Variants in ITGB3BP observed in about 807,000 individuals in gnomAD.
The protein encoded by ITGB3BP is centromere protein R.
Under a neutral mutation model 29.1 loss-of-function variants are expected in ITGB3BP, and 27 were observed. The observed-to-expected ratio is 0.93, with a 90% CI of 0.68 to 1.28. The LOEUF (loss-of-function observed/expected upper bound fraction) is 1.28. ITGB3BP is among the 50% of genes most tolerant of loss of function. The pLI is 0.00. For synonymous variants in ITGB3BP, 61 were observed against 61.4 expected, an observed-to-expected ratio of 0.99 and a Z score of 0.03; for missense variants, 192 against 200.2, an observed-to-expected ratio of 0.96 and a Z score of 0.25.
intron 2 of ITGB3BP, among the ~76,000 whole-genome samples, chr1:63,494,764 TTAA>T (rs1429011525): frequency 1.3e-5 from 2 of 152,186 alleles, no homozygotes; most frequent in Non-Finnish European, 2.9e-5. Flanking sequence ...GATATTAATT[TTAA>T]TAATAAAAGT....
intron 4 of ITGB3BP, among the ~76,000 whole-genome samples, chr1:63,477,616 A>T (rs141621775): frequency 2.6e-5 from 4 of 151,942 alleles, no homozygotes; most frequent in African/African-American, 9.7e-5. Context: ...GCTACACAGG[A>T]GGCTGAGGTG....
chr1:63,480,562 T>C (rs1012704459), intron 3 of ITGB3BP, among the ~76,000 whole-genome samples: 2 of 152,066 alleles, frequency 1.3e-5, no homozygotes, highest in Non-Finnish European at 2.9e-5. Context: ...CTCAATTTCA[T>C]TGAGTCCACT....
At chr1:63,468,003 C>T (rs772802957) in intron 4 of ITGB3BP, among the ~76,000 whole-genome samples, 1 of 152,158 alleles carries the variant, frequency 6.6e-6, no homozygotes, top group Non-Finnish European at 1.5e-5. Flanking sequence ...TTGAGCAAGG[C>T]TTAAGGAGCA....
intron 1 of ITGB3BP, among the ~76,000 whole-genome samples, chr1:63,518,697 T>A (rs1324117965): frequency 6.6e-6 from 1 of 152,130 alleles, no homozygotes; most frequent in Non-Finnish European, 1.5e-5. Flanking sequence ...TTCACTGATG[T>A]CTTTACTGCA....
intron 4 of ITGB3BP, chr1:63,458,356 T>A (rs1644965095): frequency 1.3e-5 from 2 of 152,120 alleles, no homozygotes. Flanking sequence ...GTTCCTCAGA[T>A]GTATTCTGAG....
intron 1 of ITGB3BP, among the ~76,000 whole-genome samples, chr1:63,520,743 C>T (rs996202861): frequency 1.6e-4 from 24 of 152,110 alleles, no homozygotes; most frequent in African/African-American, 5.6e-4. Flanking sequence ...ACCAATATGA[C>T]TGGGTATACA....
intron 2 of ITGB3BP, among the ~76,000 whole-genome samples, chr1:63,497,587 G>A (rs1342976575): frequency 6.6e-6 from 1 of 152,188 alleles, no homozygotes; most frequent in Non-Finnish European, 1.5e-5. Context: ...GAAGATAAAT[G>A]TATCTAAGTC....
At chr1:63,482,181 G>A (rs1309501498) in intron 3 of ITGB3BP, among the ~76,000 whole-genome samples, 1 of 139,694 alleles carries the variant, frequency 7.2e-6, no homozygotes, top group African/African-American at 2.6e-5. Flanking sequence ...GCTGAGACAG[G>A]AGAATCACTT....
At chr1:63,486,409 C>A (rs1225226386) in intron 3 of ITGB3BP, among the ~76,000 whole-genome samples, 2 of 151,940 alleles carry the variant, frequency 1.3e-5, no homozygotes, top group Non-Finnish European at 2.9e-5. Flanking sequence ...ACTTAACTAC[C>A]AATAGCCTAC....
intron 3 of ITGB3BP, among the ~76,000 whole-genome samples, chr1:63,487,691 C>T (rs536478199): frequency 1.3e-5 from 2 of 152,098 alleles, no homozygotes; most frequent in South Asian, 2.1e-4. Context: ...CAGTAAAATA[C>T]GGTATTATAA....
intron 7 of ITGB3BP, chr1:63,449,436 T>C (rs1368980247): frequency 2.0e-5 from 3 of 152,164 alleles, no homozygotes; most frequent in Non-Finnish European, 4.4e-5. Flanking sequence ...ATTTAAATCA[T>C]GAAAGAAATT....
chr1:63,487,663 TCTAAACATAA>T (rs1275922949), intron 3 of ITGB3BP, among the ~76,000 whole-genome samples: 1 of 152,106 alleles, frequency 6.6e-6, no homozygotes, highest in Non-Finnish European at 1.5e-5. Context: ...TCTAAACATA[TCTAAACATAA>T]AAAAGCACAG....
chr1:63,460,337 C>A (rs1450970016), intron 4 of ITGB3BP, among the ~76,000 whole-genome samples: 1 of 152,180 alleles, frequency 6.6e-6, no homozygotes, highest in Admixed American at 6.5e-5. Flanking sequence ...AACCTTTAAT[C>A]TCCTTTCTAT....
At chr1:63,476,135 A>G (rs1645336148) in intron 4 of ITGB3BP, among the ~76,000 whole-genome samples, 4 of 151,766 alleles carry the variant, frequency 2.6e-5, no homozygotes, top group South Asian at 2.1e-4. Context: ...CTTGGTCTCA[A>G]GCAATCTTCT....
At chr1:63,515,825 TAAAAAAAAAAAAAAA>T (rs76881362) in intron 1 of ITGB3BP, among the ~76,000 whole-genome samples, 1 of 48,594 alleles carries the variant, frequency 2.1e-5, no homozygotes, top group Non-Finnish European at 3.5e-5. Context: ...GACTCCAACT[TAAAAAAAAAAAAAAA>T]AAAAAAAAAA....
At chr1:63,443,416 A>AG (rs1644753165) in intron 8 of ITGB3BP, among the ~76,000 whole-genome samples, 1 of 152,194 alleles carries the variant, frequency 6.6e-6, no homozygotes, top group Non-Finnish European at 1.5e-5. Context: ...GACAAGACCC[A>AG]AGGTAAGGAC....
At chr1:63,448,594 G>A (rs1390768787) in intron 7 of ITGB3BP, among the ~76,000 whole-genome samples, 1 of 151,968 alleles carries the variant, frequency 6.6e-6, no homozygotes, top group Non-Finnish European at 1.5e-5. Context: ...AAACCACTTA[G>A]ATAATTTATC....
chr1:63,446,359 ATAAC>A (rs1471331896), intron 8 of ITGB3BP, among the ~76,000 whole-genome samples: 1 of 152,232 alleles, frequency 6.6e-6, no homozygotes, highest in African/African-American at 2.4e-5. Flanking sequence ...AAGGCAAGGT[ATAAC>A]TAATAAATAT....
At chr1:63,521,044 CATT>C (rs1334022497) in intron 1 of ITGB3BP, among the ~76,000 whole-genome samples, 1 of 152,076 alleles carries the variant, frequency 6.6e-6, no homozygotes, top group Non-Finnish European at 1.5e-5. Flanking sequence ...CACAACTACT[CATT>C]GTTGTATTGA....
Sources: gnomAD v4.1 joint callset for allele counts (sites outside exome capture counted in the v4.1 genomes callset) on GRCh38, gnomAD v4.1.1 for gene constraint, MANE v1.5 for transcripts, NCBI Gene and HGNC (gene_info 2026-07-23, HGNC 2026-07-21) for gene names.